The following NEURL1 variants were observed in gnomAD, a reference collection of about 807,000 sequenced individuals.
The protein encoded by NEURL1 is neuralized E3 ubiquitin protein ligase 1.
A neutral mutation model predicts 41.2 loss-of-function variants in NEURL1; 26 were observed. The observed-to-expected ratio is 0.63, with a 90% confidence interval of 0.46 to 0.87. The LOEUF (loss-of-function observed/expected upper bound fraction) is 0.87. Ranked by LOEUF, NEURL1 falls within the 40% of genes least tolerant of loss-of-function variation. The probability of loss-of-function intolerance (pLI) is 0.00; values close to 1 mark genes in which losing one functional copy is unlikely to be tolerated. For synonymous variants in NEURL1, 400 were observed against 402.3 expected (o/e 0.99, Z 0.07); for missense variants, 761 against 871.1 (o/e 0.87, Z 1.59).
In NEURL1 at chr10:103,494,335, C is replaced by T. The variant is rs908843029; in HGVS notation, c.-53C>T. 1.2e-5 allele frequency: 18 copies of T among 1,490,618 alleles called. No individual in the cohort carries two copies. The Admixed American group carries it at 2.0e-4, about 16-fold the overall frequency. 92.3% of individuals were successfully genotyped at this position (1,490,618 alleles called of 1,614,324 possible). A position where few individuals can be genotyped will look rare whatever the true frequency, so the allele number is the denominator to read the frequency against. ...ACACTCGCACACCGCACCTCAGCGC[C>T]TGCCCGGCCTCGCCCCCACCCGCGA... On this transcript the variant is annotated 5_prime_UTR_variant, in exon 1 of 6. Transcript: ENST00000369780.
intron 1 of NEURL1, among the ~76,000 whole-genome samples, chr10:103,499,838 C>T (rs1029626519): frequency 6.6e-6 from 1 of 152,046 alleles, no homozygotes; most frequent in Non-Finnish European, 1.5e-5. Flanking sequence ...CAGCTGCCAT[C>T]CTAATTGGCT....
At chr10:103,535,103 A>G (rs1306262679) in intron 1 of NEURL1, among the ~76,000 whole-genome samples, 1 of 152,134 alleles carries the variant, frequency 6.6e-6, no homozygotes, top group East Asian at 1.9e-4. Context: ...GTGACTCTAG[A>G]ACAAGGGATT....
At chr10:103,571,939 AG>A in intron 3 of NEURL1, 117 bp downstream of exon 3, 1 of 1,043,526 alleles carries the variant, frequency 9.6e-7, no homozygotes, top group South Asian at 1.7e-5. Context: ...ACTGGTGCCA[AG>A]GGGAACCGGG....
intron 1 of NEURL1, among the ~76,000 whole-genome samples, chr10:103,541,804 C>A (rs2034826318): frequency 6.6e-6 from 1 of 152,224 alleles, no homozygotes; most frequent in Non-Finnish European, 1.5e-5. Context: ...CTGTACTATG[C>A]AGAAAACCGG....
At chr10:103,559,274 C>T (rs1325572791) in intron 1 of NEURL1, among the ~76,000 whole-genome samples, 1 of 152,170 alleles carries the variant, frequency 6.6e-6, no homozygotes, top group Non-Finnish European at 1.5e-5. Flanking sequence ...AGGTGCACAT[C>T]CCCACACCTG....
chr10:103,547,533 G>GGA (rs2034947546), intron 1 of NEURL1, among the ~76,000 whole-genome samples: 5 of 152,340 alleles, frequency 3.3e-5, no homozygotes, highest in Admixed American at 3.3e-4. Flanking sequence ...GCTGGACCTG[G>GGA]GAGAGGCAGG....
At chr10:103,576,700 C>T (rs2035673605) in intron 3 of NEURL1, among the ~76,000 whole-genome samples, 1 of 151,990 alleles carries the variant, frequency 6.6e-6, no homozygotes, top group South Asian at 2.1e-4. Context: ...GGGGCTGGGT[C>T]CGGGAGGGTT....
chr10:103,590,056 G>C, intron 5 of NEURL1, 78 bp from the exon 6 acceptor site: 1 of 1,364,532 alleles, frequency 7.3e-7, no homozygotes, highest in Non-Finnish European at 1.0e-6. Context: ...GACACAAGAG[G>C]CCGGGGAGCT....
chr10:103,539,863 T>C (rs1387393214), intron 1 of NEURL1, among the ~76,000 whole-genome samples: 2 of 152,230 alleles, frequency 1.3e-5, no homozygotes, highest in Non-Finnish European at 2.9e-5. Flanking sequence ...GTAGCTAATA[T>C]ATGTCCTTTG....
chr10:103,516,164 G>T (rs60012792), intron 1 of NEURL1, among the ~76,000 whole-genome samples: 2 of 146,442 alleles, frequency 1.4e-5, no homozygotes, highest in Non-Finnish European at 3.0e-5. Flanking sequence ...GGAGGTGAAG[G>T]TTGCAGTGAG....
At chr10:103,565,922 G>A (rs1592227719) in intron 1 of NEURL1, among the ~76,000 whole-genome samples, 1 of 152,122 alleles carries the variant, frequency 6.6e-6, no homozygotes, top group African/African-American at 2.4e-5. Flanking sequence ...CAAAGTGCTG[G>A]GATTACAGAC....
intron 1 of NEURL1, among the ~76,000 whole-genome samples, chr10:103,536,023 G>C (rs1256324359): frequency 1.3e-5 from 2 of 152,202 alleles, no homozygotes; most frequent in Non-Finnish European, 2.9e-5. Flanking sequence ...AGCTGAGCTT[G>C]GTGCCTGTGA....
intron 1 of NEURL1, among the ~76,000 whole-genome samples, chr10:103,540,653 T>C (rs2034802277): frequency 6.6e-6 from 1 of 150,708 alleles, no homozygotes; most frequent in East Asian, 1.9e-4. Flanking sequence ...CTTTATCATC[T>C]TGTGCTTAAT....
rs544513662 is a variant in NEURL1, at chr10:103,556,283, C to T, written c.86-14589C>T. On this transcript the variant is annotated intron_variant, in intron 1 of 5. Transcript: ENST00000369780. This position sits in a 1 kb window ranked among gnomAD's most constrained non-coding sequence, Gnocchi z 4.4. ...GCCATGGCCGATGTGGCAGCAGACC[C>T]GGAGAAGCCTTCCTAGGGACTTGTG... Among the ~76,000 whole-genome samples the T allele has an allele frequency of 6.6e-6, 1 of 152,202 alleles. No homozygotes were observed. The highest frequency in any genetic ancestry group is 2.1e-4 in the South Asian group (1 of 4,832).
At position 103,528,466 on chromosome 10, in the gene NEURL1, C is replaced by T. The variant is rs778553066; in HGVS notation, c.85+33994C>T. Among the ~76,000 whole-genome samples the T allele has an allele frequency of 1.9e-4, 29 of 149,406 alleles. 1 individual carries two copies. In the East Asian group the frequency reaches 3.3e-3, roughly 17 times the overall value. Reference sequence around the variant, plus strand: ...AGGAGAATCGCTTGAACCCGGGAGGCGGAGGTTGCAGTGAGCTGAGGTAGT... The same window carrying T: ...AGGAGAATCGCTTGAACCCGGGAGGTGGAGGTTGCAGTGAGCTGAGGTAGT... On this transcript the variant is annotated intron_variant, in intron 1 of 5. Coordinates refer to ENST00000369780, the MANE Select transcript of NEURL1 (RefSeq NM_004210.5).
intron 1 of NEURL1, among the ~76,000 whole-genome samples, chr10:103,513,031 A>G (rs956243449): frequency 1.3e-5 from 2 of 151,204 alleles, no homozygotes; most frequent in African/African-American, 2.4e-5. Context: ...TCCCACCTCT[A>G]CGACATAAAG....
intron 1 of NEURL1, among the ~76,000 whole-genome samples, chr10:103,511,233 T>A (rs2034061841): frequency 6.6e-6 from 1 of 152,102 alleles, no homozygotes; most frequent in Non-Finnish European, 1.5e-5. Context: ...AGGGGGAACT[T>A]TCTCCACCAG....
chr10:103,578,390 G>A (rs1396531470), intron 3 of NEURL1, among the ~76,000 whole-genome samples: 6 of 152,202 alleles, frequency 3.9e-5, no homozygotes, highest in African/African-American at 1.2e-4. Flanking sequence ...GGAAAACCAT[G>A]CAATCGAAAT....
chr10:103,527,730 T>C (rs538034692), intron 1 of NEURL1, among the ~76,000 whole-genome samples: 30 of 152,316 alleles, frequency 2.0e-4, no homozygotes, highest in Admixed American at 9.2e-4. Context: ...CCAGGCCCTG[T>C]TGAAGATGGA....
Sources: gnomAD v4.1 joint callset for allele counts (sites outside exome capture counted in the v4.1 genomes callset) on GRCh38, gnomAD v4.1.1 for gene constraint, Gnocchi (gnomAD v3.1) non-coding constraint, MANE v1.5 for transcripts, NCBI Gene and HGNC (gene_info 2026-07-23, HGNC 2026-07-21) for gene names.